The following ZNF621 variants were observed in gnomAD, a reference collection of about 807,000 sequenced individuals.
The protein encoded by ZNF621 is zinc finger protein 621.
In ZNF621, 6 loss-of-function variants were observed where a neutral mutation model predicts 12.7. The ratio of observed to expected loss-of-function variants is 0.47; its 90% CI spans 0.26 to 0.93. The LOEUF is 0.93. Ranked by LOEUF, ZNF621 falls within the 40% of genes least tolerant of loss-of-function variation. ZNF621 has a pLI of 0.15. For synonymous variants in ZNF621, 156 were observed against 190.3 expected, an observed-to-expected ratio of 0.82 and a Z score of 1.48; for missense variants, 474 against 524.0, an observed-to-expected ratio of 0.90 and a Z score of 0.93.
At position 40,532,950 on chromosome 3, in the gene ZNF621, A is replaced by G. The variant is rs1182670430; in HGVS notation, c.1180A>G (p.Thr394Ala). The G allele has an allele frequency of 1.4e-5, 21 of 1,554,108 alleles. No homozygotes were observed. Among genetic ancestry groups the G allele is most frequent in the Non-Finnish European group, 1.7e-5 (20 of 1,148,546 alleles). The change falls in exon 5 of 5, where the codon ACC becomes GCC. Residue 394 changes from threonine (T) to alanine (A), a missense_variant. By Grantham distance (58) the Thr-to-Ala change is moderately conservative. Transcript: ENST00000339296. ...LTFPHAVLIP[T>A]SGNFFMLLPT... ...CTTTCCACATGCTGTGCTCATTCCT[A>G]CCTCTGGGAATTTTTTCATGCTGCT...
chr3:40,525,907 T>C, intron 2 of ZNF621, 43 bp downstream of exon 2: 1 of 1,608,400 alleles, frequency 6.2e-7, no homozygotes. Flanking sequence ...TTTGTTTATG[T>C]TTTTTTACTC....
intron 4 of ZNF621, among the ~76,000 whole-genome samples, chr3:40,531,377 TG>T (rs1698722233): frequency 6.6e-6 from 1 of 152,162 alleles, no homozygotes; most frequent in Admixed American, 6.5e-5. Context: ...CATTTCTCAC[TG>T]TTCTTTCTTA....
chr3:40,532,272 C>G lies in ZNF621; in HGVS notation c.502C>G (p.Arg168Gly). 2 of 1,613,634 alleles carry G rather than the reference C, an allele frequency of 1.2e-6. No homozygotes were observed. The change falls in exon 5 of 5, where the codon CGG becomes GGG. Residue 168 changes from arginine to glycine, a missense_variant. Physicochemically the swap from Arg to Gly is moderately radical, Grantham distance 125 (BLOSUM62 -2). Coordinates refer to ENST00000339296, the MANE Select transcript of ZNF621 (RefSeq NM_198484.5). ...CTTCCGATATAACTCAAAGCTTATT[C>G]GGCATCAGATGAGTCATACTGGGGA... The part of the protein sequence containing the change: ...KIFRYNSKLI[R>G]HQMSHTGEKP...
chr3:40,525,831 G>A lies in ZNF621; in HGVS notation c.-10G>A. The A allele has an allele frequency of 6.2e-7, 1 of 1,614,172 alleles. No homozygotes were observed. The highest frequency in any genetic ancestry group is 1.3e-5 in the African/African-American group (1 of 75,040). On this transcript the variant is annotated 5_prime_UTR_variant, in exon 2 of 5. Transcript: ENST00000339296. ...CAGAAGACAGTGCATGAAGCCAGGGGACATCCGCCATGCTCCAAACAACTT... is the reference window on the plus strand; with the variant it reads ...CAGAAGACAGTGCATGAAGCCAGGGAACATCCGCCATGCTCCAAACAACTT...
chr3:40,525,885 T>G (rs754063774), intron 2 of ZNF621, 21 bp downstream of exon 2: 3 of 1,611,208 alleles, frequency 1.9e-6, no homozygotes, highest in East Asian at 2.2e-5. Context: ...CTTCTTTCAG[T>G]TTTTTTGTTT....
rs1698855317 is a variant in ZNF621 at position 40,535,952 on chromosome 3, G to A, written c.*2862G>A. On this transcript the variant is annotated 3_prime_UTR_variant, in exon 5 of 5. Coordinates refer to ENST00000339296, the MANE Select transcript of ZNF621 (RefSeq NM_198484.5). ...TGTATAGAGAGGCAAAGGACACAGA[G>A]TAGCTAACCTAGTTTTGAAGAACAA... 1 of 152,044 alleles carries A rather than the reference G, an allele frequency of 6.6e-6. No homozygotes were observed. Among genetic ancestry groups the A allele is most frequent in the African/African-American group, 2.4e-5 (1 of 41,378 alleles). The allele number at this position is 152,044 out of a possible 1,614,324, so 9.4% of individuals were successfully genotyped here.
chr3:40,524,576 T>TAA (rs1398402015), upstream of ZNF621, among the ~76,000 whole-genome samples: 1 of 152,184 alleles, frequency 6.6e-6, no homozygotes, highest in Non-Finnish European at 1.5e-5. Context: ...TTGGGCCTCT[T>TAA]AGAGATGACA....
At chr3:40,531,053 G>T (rs1227134549) in intron 4 of ZNF621, among the ~76,000 whole-genome samples, 1 of 152,192 alleles carries the variant, frequency 6.6e-6, no homozygotes, top group Non-Finnish European at 1.5e-5. Context: ...GTATATAGTG[G>T]TTCCTTTAGC....
intron 2 of ZNF621, among the ~76,000 whole-genome samples, chr3:40,528,939 A>G (rs933695550): frequency 1.3e-4 from 20 of 152,114 alleles, no homozygotes; most frequent in African/African-American, 4.8e-4. Flanking sequence ...ATGTCTTCTC[A>G]TTTTCTTAAT....
At position 40,539,543 on chromosome 3, in the gene ZNF621, T is replaced by G. The variant is rs537432000; in HGVS notation, c.*6453T>G. 32 of 152,354 alleles carry G rather than the reference T, an allele frequency of 2.1e-4. No individual in the cohort carries two copies. Among genetic ancestry groups the G allele is most frequent in the African/African-American group, 7.5e-4 (31 of 41,586 alleles). 9.4% of individuals were successfully genotyped at this position (152,354 alleles called of 1,614,324 possible). On this transcript the variant is annotated 3_prime_UTR_variant, in exon 5 of 5. Transcript: ENST00000339296. ...AGGTACTGGAAAATAAAAATAATTG[T>G]GTGACTCCCTTTATTGTGTTAAACA...
chr3:40,533,168 T>C lies in ZNF621; in HGVS notation c.*78T>C. On this transcript the variant is annotated 3_prime_UTR_variant, in exon 5 of 5. Coordinates refer to ENST00000339296, the MANE Select transcript of ZNF621 (RefSeq NM_198484.5). ...TTTTATATATTTTTTTGAGAAAGGG[T>C]CTTGCTCTGTCACCCAGGCTAGAGT... 1 of 1,486,202 alleles carries C rather than the reference T, an allele frequency of 6.7e-7. No individual in the cohort carries two copies. Among genetic ancestry groups the C allele is most frequent in the Non-Finnish European group, 8.9e-7 (1 of 1,118,296 alleles). 92.1% of individuals were successfully genotyped at this position (1,486,202 alleles called of 1,614,324 possible). A position where few individuals can be genotyped will look rare whatever the true frequency, so the allele number is the denominator to read the frequency against.
chr3:40,529,196 C>A, intron 2 of ZNF621, 123 bp from the exon 3 acceptor site: 1 of 1,208,490 alleles, frequency 8.3e-7, no homozygotes, highest in Non-Finnish European at 1.2e-6. Flanking sequence ...TCTTGTTGAG[C>A]AGACCTTACA....
intron 3 of ZNF621, chr3:40,529,701 C>T: frequency 1.2e-6 from 1 of 868,754 alleles, no homozygotes; most frequent in Non-Finnish European, 1.7e-6. Flanking sequence ...TGGCTCACTG[C>T]AGCCTCCAAC....
intron 3 of ZNF621, 26 bp downstream of exon 3, chr3:40,529,471 G>T (rs978899217): frequency 6.2e-7 from 1 of 1,611,154 alleles, no homozygotes. Flanking sequence ...GTGGCCCTTT[G>T]TAACAGTTTG....
rs1432438150 is a variant in ZNF621, at chr3:40,524,960, C to T, written c.-377C>T. ...GAGGGACCCTGGGCGTGCACTCGCC[C>T]TTCCGGCTCGGCCTTTAGTTAGTGA... On this transcript the variant is annotated 5_prime_UTR_variant, in exon 1 of 5. Transcript: ENST00000339296. 6.6e-6 allele frequency: 1 copy of T among 152,298 alleles called. No individual in the cohort carries two copies. The highest frequency in any genetic ancestry group is 2.4e-5 in the African/African-American group (1 of 41,462). 9.4% of individuals were successfully genotyped at this position (152,298 alleles called of 1,614,324 possible). A position where few individuals can be genotyped will look rare whatever the true frequency, so the allele number is the denominator to read the frequency against.
rs905667053 is a variant in ZNF621 at position 40,535,035 on chromosome 3, T to A, written c.*1945T>A. ...ACTACTTTATACTTTCTCTCTTCTG[T>A]AACTTCCAAAGCATCCCTCTCAGTT... is the stretch of plus-strand genomic sequence containing the variant. On this transcript the variant is annotated 3_prime_UTR_variant, in exon 5 of 5. Coordinates refer to ENST00000339296, the MANE Select transcript of ZNF621 (RefSeq NM_198484.5). 3.3e-5 allele frequency: 5 copies of A among 152,358 alleles called. No homozygotes were observed. Among genetic ancestry groups the A allele is most frequent in the Non-Finnish European group, 5.9e-5 (4 of 68,032 alleles). 9.4% of individuals were successfully genotyped at this position (152,358 alleles called of 1,614,324 possible).
Position 40,538,597 on chromosome 3 carries a change from G to A in ZNF621, c.*5507G>A, listed in dbSNP as rs1168194422. On this transcript the variant is annotated 3_prime_UTR_variant, in exon 5 of 5. Transcript: ENST00000339296. ...GAGTTCTGATGGAGATGTACAAAGA[G>A]ATTAATGTTTTTATGTCTGCTAAAC... 6.5e-6 allele frequency: 1 copy of A among 154,296 alleles called. No homozygotes were observed. The highest frequency in any genetic ancestry group is 1.9e-4 in the East Asian group (1 of 5,220). 9.6% of individuals were successfully genotyped at this position (154,296 alleles called of 1,614,324 possible).
In ZNF621 at chr3:40,537,912, C is replaced by G. The variant is rs1698906764; in HGVS notation, c.*4822C>G. On this transcript the variant is annotated 3_prime_UTR_variant, in exon 5 of 5. Transcript: ENST00000339296. The stretch of plus-strand genomic sequence containing the variant: ...ACACCACGAGATTTTCAGTGTATTC[C>G]AAACAGCCTTCTTTTGGAAGAAGAA... Among the ~76,000 whole-genome samples the G allele has an allele frequency of 6.6e-6, 1 of 152,194 alleles. No homozygotes were observed. The highest frequency in any genetic ancestry group is 1.5e-5 in the Non-Finnish European group (1 of 68,044).
intron 3 of ZNF621, among the ~76,000 whole-genome samples, chr3:40,529,891 C>G (rs1393183023): frequency 6.6e-6 from 1 of 152,102 alleles, no homozygotes; most frequent in Non-Finnish European, 1.5e-5. Flanking sequence ...GCCCTTTGTT[C>G]CTTTGTCCAT....
Sources: gnomAD v4.1 joint callset for allele counts (sites outside exome capture counted in the v4.1 genomes callset) on GRCh38, gnomAD v4.1.1 for gene constraint, MANE v1.5 for transcripts, NCBI Gene and HGNC (gene_info 2026-07-23, HGNC 2026-07-21) for gene names.